ACBD3: variants seen among roughly 807,000 people sequenced by gnomAD.
The protein encoded by ACBD3 is Golgi resident protein GCP60.
Under a neutral mutation model 66.9 loss-of-function variants are expected in ACBD3, and 30 were observed. The ratio of observed to expected loss-of-function variants is 0.45; its 90% CI spans 0.34 to 0.61. The LOEUF (loss-of-function observed/expected upper bound fraction) is 0.61, where lower values mean the gene tolerates loss of function less well. Ranked by LOEUF, ACBD3 falls within the 20% of genes least tolerant of loss-of-function variation. ACBD3 has a pLI of 0.02. For missense variants in ACBD3, 544 were observed against 664.5 expected, an observed-to-expected ratio of 0.82 and a Z score of 1.99; for synonymous variants, 278 against 259.8, an observed-to-expected ratio of 1.07 and a Z score of -0.68.
chr1:226,180,797 G>A (rs1265738886), intron 1 of ACBD3, among the ~76,000 whole-genome samples: 1 of 152,102 alleles, frequency 6.6e-6, no homozygotes, highest in Admixed American at 6.5e-5. Flanking sequence ...TCAGGAGCTC[G>A]AGACCAGCCT....
intron 1 of ACBD3, among the ~76,000 whole-genome samples, chr1:226,173,309 A>C (rs1398613507): frequency 5.9e-5 from 9 of 152,192 alleles, no homozygotes; most frequent in Admixed American, 5.9e-4. Flanking sequence ...ACTAATAATT[A>C]TTTTTGAAAG....
intron 1 of ACBD3, among the ~76,000 whole-genome samples, chr1:226,173,480 A>G (rs1165861546): frequency 1.3e-5 from 2 of 152,118 alleles, no homozygotes; most frequent in Non-Finnish European, 2.9e-5. Context: ...GGATGAGGTT[A>G]AGAGATTATT....
rs754113723 is a variant in ACBD3, at chr1:226,146,827, A to C, written c.1376-6T>G. ...CTCTTCACAACCGATGTTTTCTGTA[A>C]GAACAGAGACAAGTCAATGAACAGA... On this transcript the variant is annotated splice_polypyrimidine_tract_variant and splice_region_variant and intron_variant, in intron 7 of 7. Transcript: ENST00000366812. The C allele has an allele frequency of 6.2e-7, 1 of 1,613,530 alleles. No homozygotes were observed. The highest frequency in any genetic ancestry group is 8.5e-7 in the Non-Finnish European group (1 of 1,179,436).
At chr1:226,178,115 T>C (rs1656087460) in intron 1 of ACBD3, among the ~76,000 whole-genome samples, 1 of 152,064 alleles carries the variant, frequency 6.6e-6, no homozygotes, top group Admixed American at 6.6e-5. Flanking sequence ...CAAAACACAT[T>C]TTTCAGGCAA....
intron 1 of ACBD3, among the ~76,000 whole-genome samples, chr1:226,172,136 CAA>C (rs1027884306): frequency 1.0e-5 from 1 of 96,526 alleles, no homozygotes; most frequent in Non-Finnish European, 2.0e-5. Flanking sequence ...GCCTGGGAAA[CAA>C]GAGCAAAACT....
At chr1:226,183,449 T>C (rs1656218132) in intron 1 of ACBD3, among the ~76,000 whole-genome samples, 1 of 152,196 alleles carries the variant, frequency 6.6e-6, no homozygotes, top group African/African-American at 2.4e-5. Context: ...CCCAAAGTGC[T>C]GGGATTACAG....
At chr1:226,182,767 T>C (rs968450329) in intron 1 of ACBD3, among the ~76,000 whole-genome samples, 3 of 152,150 alleles carry the variant, frequency 2.0e-5, no homozygotes, top group African/African-American at 7.2e-5. Flanking sequence ...CCTTCCCCCC[T>C]CTGGAATGGC....
At chr1:226,184,971 A>G (rs1252280465) in intron 1 of ACBD3, among the ~76,000 whole-genome samples, 1 of 149,414 alleles carries the variant, frequency 6.7e-6, no homozygotes, top group Non-Finnish European at 1.5e-5. Context: ...AAAAAAAAAA[A>G]GGAATTAGTT....
Position 226,186,481 on chromosome 1 carries a change from A to T in ACBD3, c.195T>A (p.Ala65=). 6.7e-7 allele frequency: 1 copy of T among 1,491,704 alleles called. No individual in the cohort carries two copies. The highest frequency in any genetic ancestry group is 8.9e-7 in the Non-Finnish European group (1 of 1,122,954). The allele number at this position is 1,491,704 out of a possible 1,614,324, so 92.4% of individuals were successfully genotyped here. ...GCCGCGCCTCCTCCGCCGCGCCCCC[A>T]GCCGCCGCCTCCCCGGGCTCGGGCT... ...GEQPEPGEAA[A]GGAAEEARRL... is the part of the protein sequence containing the mutation. Residue 65 remains alanine (A), a synonymous_variant, in exon 1 of 8, where the codon GCT becomes GCA. Transcript: ENST00000366812.
At chr1:226,170,513 CTAAA>C (rs1166446745) in intron 1 of ACBD3, among the ~76,000 whole-genome samples, 3 of 151,654 alleles carry the variant, frequency 2.0e-5, no homozygotes, top group African/African-American at 7.3e-5. Context: ...GTAGTTTTAT[CTAAA>C]TAAATGTCAG....
In ACBD3 at chr1:226,166,059, G is replaced by T; in HGVS notation, c.287-59C>A. ...GCACAGGCAAAATACATAATTTTCA[G>T]CATTATATACTAAAGCTTTGCTACA... On this transcript the variant is annotated intron_variant, in intron 1 of 7. Transcript: ENST00000366812. 2.6e-6 allele frequency: 4 copies of T among 1,528,728 alleles called. No homozygotes were observed. The South Asian group carries it at 5.1e-5, about 20-fold the overall frequency. 94.7% of individuals were successfully genotyped at this position (1,528,728 alleles called of 1,614,324 possible).
chr1:226,161,063 C>T (rs773546316), intron 4 of ACBD3, among the ~76,000 whole-genome samples: 7 of 152,012 alleles, frequency 4.6e-5, no homozygotes, highest in Non-Finnish European at 1.5e-5. Context: ...AGACAAGAAA[C>T]AGAGAGCGCA....
chr1:226,186,426 C>G lies in ACBD3; in HGVS notation c.250G>C (p.Glu84Gln), dbSNP rs1003062164. The change falls in exon 1 of 8, where the codon GAG (glutamate) becomes CAG (glutamine). Residue 84 changes from glutamate (E) to glutamine (Q), a missense_variant. Physicochemically the swap from Glu to Gln is conservative, Grantham distance 29. This residue lies in a region of ACBD3 where 137 missense variants were observed against 145.9 expected (regional missense o/e 0.94). Transcript: ENST00000366812. ...CGCAGTGCCAGGCCGTACAACTCCT[C>G]CAGGCCGAAACCCCAGCGCTGCTCC... ...RLEQRWGFGL[E>Q]ELYGLALRFF... 1 of 1,526,312 alleles carries G rather than the reference C, an allele frequency of 6.6e-7. No individual in the cohort carries two copies. The highest frequency in any genetic ancestry group is 1.4e-5 in the African/African-American group (1 of 69,370). 94.5% of individuals were successfully genotyped at this position (1,526,312 alleles called of 1,614,324 possible). A position where few individuals can be genotyped will look rare whatever the true frequency, so the allele number is the denominator to read the frequency against.
At chr1:226,159,436 ACTTTT>A in intron 4 of ACBD3, 78 bp from the exon 5 acceptor site, 1 of 1,393,810 alleles carries the variant, frequency 7.2e-7, no homozygotes, top group Non-Finnish European at 9.9e-7. Context: ...CTTATTACTT[ACTTTT>A]ACAGTCTGTA....
intron 1 of ACBD3, among the ~76,000 whole-genome samples, chr1:226,178,345 C>T (rs764176610): frequency 6.6e-6 from 1 of 151,456 alleles, no homozygotes; most frequent in Non-Finnish European, 1.5e-5. Context: ...CCAAGGTGGG[C>T]GGATCATCAG....
Position 226,146,726 on chromosome 1 carries a change from C to A in ACBD3, c.1471G>T (p.Val491Leu). 1 of 1,614,048 alleles carries A rather than the reference C, an allele frequency of 6.2e-7. No individual in the cohort carries two copies. The highest frequency in any genetic ancestry group is 8.5e-7 in the Non-Finnish European group (1 of 1,180,010). The change falls in exon 8 of 8, where the codon GTG becomes TTG. Residue 491 changes from valine to leucine, a missense_variant. This residue lies in a region of ACBD3 where 383 missense variants were observed against 462.4 expected (regional missense o/e 0.83). Coordinates refer to ENST00000366812, the MANE Select transcript of ACBD3 (RefSeq NM_022735.4). ...GGATATTGATGGCTGCCAGCATACA[C>A]CTCCTCATGACAGTCCCGTCGGTAC... ...PVYRRDCHEE[V>L]YAGSHQYPGR...
chr1:226,180,805 CCTGA>C (rs1656152700), intron 1 of ACBD3, among the ~76,000 whole-genome samples: 2 of 152,142 alleles, frequency 1.3e-5, no homozygotes, highest in African/African-American at 2.4e-5. Flanking sequence ...TCGAGACCAG[CCTGA>C]CTAACATGGT....
intron 1 of ACBD3, among the ~76,000 whole-genome samples, chr1:226,166,466 C>T (rs1444996045): frequency 3.3e-5 from 5 of 149,918 alleles, no homozygotes; most frequent in South Asian, 2.1e-4. Context: ...GAACCTAAGA[C>T]GGAAATCCGG....
At chr1:226,183,111 T>C (rs1454262227) in intron 1 of ACBD3, among the ~76,000 whole-genome samples, 1 of 152,154 alleles carries the variant, frequency 6.6e-6, no homozygotes, top group Non-Finnish European at 1.5e-5. Flanking sequence ...AATGGAAAAA[T>C]ATATCCATGC....
Sources: allele counts gnomAD v4.1 joint callset (sites outside exome capture counted in the v4.1 genomes callset), GRCh38; gene constraint gnomAD v4.1.1; regional missense constraint gnomAD v4.1.1; transcripts MANE v1.5; gene names NCBI Gene and HGNC (gene_info 2026-07-23, HGNC 2026-07-21).